Variants in EIF2S3B observed in about 807,000 individuals in gnomAD.
EIF2S3B encodes eukaryotic translation initiation factor 2 subunit gamma B, also known as eukaryotic translation initiation factor 2 subunit 3B.
A neutral mutation model predicts 26.4 loss-of-function variants in EIF2S3B; 16 were observed. The observed-to-expected ratio is 0.61, with a 90% CI of 0.41 to 0.92. The LOEUF (loss-of-function observed/expected upper bound fraction) is 0.92, where lower values mean the gene tolerates loss of function less well. EIF2S3B is among the 40% of genes least tolerant of loss of function. The pLI is 0.00. For synonymous variants in EIF2S3B, 183 were observed against 204.4 expected (o/e 0.90, Z 0.89); for missense variants, 510 against 575.5 (o/e 0.89, Z 1.16).
At chr12:10,523,050 AAACTT>A (rs1349550527) in exon 2 of EIF2S3B, 2 of 153,792 alleles carry the variant, frequency 1.3e-5, no homozygotes, top group South Asian at 2.1e-4. Context: ...AATATAAACT[AAACTT>A]GACTGTTAAT....
intron 1 of EIF2S3B, among the ~76,000 whole-genome samples, chr12:10,520,557 T>C (rs1230150258): frequency 6.6e-6 from 1 of 152,108 alleles, no homozygotes; most frequent in Non-Finnish European, 1.5e-5. Context: ...ATATCAAATA[T>C]ATATGAACAT....
intron 1 of EIF2S3B, among the ~76,000 whole-genome samples, chr12:10,515,040 G>C (rs896683283): frequency 6.6e-6 from 1 of 151,980 alleles, no homozygotes; most frequent in Non-Finnish European, 1.5e-5. Context: ...CTTCATACCT[G>C]TCCAAATCAA....
rs1227704204 is a variant in EIF2S3B, at chr12:10,517,860, C to T, written c.1309-4743C>T. ...AACATCTTTATTTCTGCCTTCATTT[C>T]GTTATGTACCCAGTAGTCATTCAGG... On this transcript the variant is annotated intron_variant, in intron 1 of 1. Coordinates refer to the EIF2S3B transcript ENST00000322446. Among the ~76,000 whole-genome samples, 13 of 151,980 alleles carry T rather than the reference C, an allele frequency of 8.6e-5. No individual in the cohort carries two copies. The East Asian group carries it at 2.3e-3, about 27-fold the overall frequency.
chr12:10,519,828 T>C (rs1864810918), intron 1 of EIF2S3B, among the ~76,000 whole-genome samples: 1 of 151,502 alleles, frequency 6.6e-6, no homozygotes, highest in Non-Finnish European at 1.5e-5. Flanking sequence ...TCACACCAGT[T>C]AGAATGGCAA....
exon 2 of EIF2S3B, chr12:10,522,800 A>C: frequency 1.8e-6 from 1 of 554,242 alleles, no homozygotes; most frequent in Non-Finnish European, 3.2e-6. Context: ...TGACAACCAT[A>C]TCACAATTAT....
At chr12:10,517,355 G>C (rs538275277) in intron 1 of EIF2S3B, among the ~76,000 whole-genome samples, 7 of 150,748 alleles carry the variant, frequency 4.6e-5, no homozygotes, top group African/African-American at 1.5e-4. Flanking sequence ...TGTATGTGTC[G>C]AGGAATTTAT....
In EIF2S3B at chr12:10,521,399, T is replaced by C. The variant is rs148908418; in HGVS notation, c.1309-1204T>C. The stretch of plus-strand genomic sequence containing the variant: ...CTGCAGAGTGATGTTTTTTTTTCAA[T>C]TTATAGATGAGGCAAACTGAGCCTC... On this transcript the variant is annotated intron_variant, in intron 1 of 1. Coordinates refer to the EIF2S3B transcript ENST00000322446. 6.8e-3 allele frequency among the ~76,000 whole-genome samples: 1,041 copies of C among 152,202 alleles called. 7 individuals carry two copies. Among genetic ancestry groups the C allele is most frequent in the Non-Finnish European group, 0.01 (699 of 67,998 alleles).
chr12:10,511,469 C>A (rs976993291), downstream of EIF2S3B, among the ~76,000 whole-genome samples: 7 of 151,880 alleles, frequency 4.6e-5, no homozygotes, highest in African/African-American at 1.7e-4. Flanking sequence ...TACTGAAATT[C>A]TAAAGAACAA....
chr12:10,510,609 G>T (rs987764859), downstream of EIF2S3B, among the ~76,000 whole-genome samples: 1 of 152,070 alleles, frequency 6.6e-6, no homozygotes, highest in African/African-American at 2.4e-5. Flanking sequence ...TACACTTTAC[G>T]TACTTCACTG....
Position 10,507,244 on chromosome 12 carries a change from G to A in EIF2S3B, c.1342G>A (p.Glu448Lys), listed in dbSNP as rs1187108628. 1 of 1,613,842 alleles carries A rather than the reference G, an allele frequency of 6.2e-7. No individual in the cohort carries two copies. Residue 448 changes from glutamate to lysine, a missense_variant, in exon 1 of 1, where the codon GAA becomes AAA. Physicochemically the swap from Glu to Lys is moderately conservative, Grantham distance 56. Coordinates refer to ENST00000538173, the MANE Select transcript of EIF2S3B (RefSeq NM_001357734.3). ...AAAAATTGCCCTTAGCCGAAGAGTT[G>A]AAAAACACTGGCGTTTAATTGGTTG... ...GEKIALSRRV[E>K]KHWRLIGWGQ...
chr12:10,507,973 GT>G lies in EIF2S3B; in HGVS notation c.*661del, dbSNP rs112483874. Among the ~76,000 whole-genome samples the G allele has an allele frequency of 0.039, 5,943 of 151,856 alleles. 398 individuals carry two copies. Among genetic ancestry groups the G allele is most frequent in the African/African-American group, 0.13 (5,580 of 41,390 alleles). On this transcript the variant is annotated 3_prime_UTR_variant, in exon 1 of 1. Coordinates refer to ENST00000538173, the MANE Select transcript of EIF2S3B (RefSeq NM_001357734.3). Reference sequence around the variant, plus strand: ...TATCACTGAAACTGTTCGAAATAAAGTTTTTTTTTGTTTTTCATGATTCGTC... The same window carrying G: ...TATCACTGAAACTGTTCGAAATAAAGTTTTTTTTGTTTTTCATGATTCGTC...
intron 1 of EIF2S3B, among the ~76,000 whole-genome samples, chr12:10,521,018 A>T (rs980219378): frequency 6.6e-6 from 1 of 152,206 alleles, no homozygotes; most frequent in African/African-American, 2.4e-5. Context: ...TCTTTTAGGT[A>T]ATTTAATTGC....
intron 1 of EIF2S3B, among the ~76,000 whole-genome samples, chr12:10,517,875 A>G (rs1471182558): frequency 2.6e-5 from 4 of 151,870 alleles, no homozygotes; most frequent in Non-Finnish European, 5.9e-5. Context: ...TGTACCCAGT[A>G]GTCATTCAGG....
At chr12:10,509,695 A>T (rs1864686539), downstream of EIF2S3B, among the ~76,000 whole-genome samples, 1 of 152,038 alleles carries the variant, frequency 6.6e-6, no homozygotes, top group African/African-American at 2.4e-5. Flanking sequence ...TCGTAGTTAT[A>T]TAGATTTATG....
At position 10,517,158 on chromosome 12, in the gene EIF2S3B, A is replaced by G. The variant is rs571916603; in HGVS notation, c.1309-5445A>G. Among the ~76,000 whole-genome samples, 975 of 151,950 alleles carry G rather than the reference A, an allele frequency of 6.4e-3. 8 individuals carry two copies. Among genetic ancestry groups the G allele is most frequent in the African/African-American group, 0.022 (911 of 41,454 alleles). On this transcript the variant is annotated intron_variant, in intron 1 of 1. Coordinates refer to the EIF2S3B transcript ENST00000322446. ...GTTAGGGAGGATTCCCTCTTTTTCT[A>G]TTGATTGGAATAGTTTCAGAAGGAA...
chr12:10,521,676 G>T (rs538275110), intron 1 of EIF2S3B, among the ~76,000 whole-genome samples: 8 of 152,232 alleles, frequency 5.3e-5, no homozygotes, highest in Non-Finnish European at 8.8e-5. Flanking sequence ...TTAACTAAGG[G>T]TGTAAGGAAA....
Position 10,507,356 on chromosome 12 carries a change from TG to T in EIF2S3B, c.*37del. The T allele has an allele frequency of 6.2e-7, 1 of 1,609,880 alleles. No homozygotes were observed. Among genetic ancestry groups the T allele is most frequent in the East Asian group, 2.2e-5 (1 of 44,856 alleles). Reference sequence around the variant, plus strand: ...GTTAAATAATACATTCGGATGGAGCTGGAAGTTGCAATTTCTCTTTAACAAC... The same window carrying T: ...GTTAAATAATACATTCGGATGGAGCTGAAGTTGCAATTTCTCTTTAACAAC... On this transcript the variant is annotated 3_prime_UTR_variant, in exon 1 of 1. Transcript: ENST00000538173.
chr12:10,514,361 CTT>C (rs1217957113), intron 1 of EIF2S3B, among the ~76,000 whole-genome samples: 1 of 152,022 alleles, frequency 6.6e-6, no homozygotes, highest in Non-Finnish European at 1.5e-5. Context: ...TGTTACAAAG[CTT>C]TTTTTGTCAT....
chr12:10,518,776 A>G (rs1263233262), intron 1 of EIF2S3B, among the ~76,000 whole-genome samples: 1 of 151,476 alleles, frequency 6.6e-6, no homozygotes, highest in Non-Finnish European at 1.5e-5. Context: ...CAAAGAGAAT[A>G]AAATACCTAG....
Sources: gnomAD v4.1 joint callset for allele counts (sites outside exome capture counted in the v4.1 genomes callset) on GRCh38, gnomAD v4.1.1 for gene constraint, MANE v1.5 for transcripts, NCBI Gene and HGNC (gene_info 2026-07-23, HGNC 2026-07-21) for gene names.